Variants in GDAP1 observed in about 807,000 individuals in gnomAD.
GDAP1 encodes the protein ganglioside induced differentiation associated protein 1.
Under a neutral mutation model 40.1 loss-of-function variants are expected in GDAP1, and 34 were observed. The ratio of observed to expected loss-of-function variants is 0.85; its 90% confidence interval spans 0.64 to 1.13. The LOEUF (loss-of-function observed/expected upper bound fraction) is 1.13, where lower values mean the gene tolerates loss of function less well. Among genes scored for constraint, GDAP1 ranks in the 50% most tolerant of loss-of-function variants. The pLI, the probability that GDAP1 is intolerant of heterozygous loss-of-function variation, is 0.00. For missense variants in GDAP1, 374 were observed against 433.7 expected, an observed-to-expected ratio of 0.86 and a Z score of 1.22; for synonymous variants, 170 against 157.4, an observed-to-expected ratio of 1.08 and a Z score of -0.60.
chr8:74,388,516 C>T (rs1487422305), intron 2 of GDAP1, among the ~76,000 whole-genome samples: 1 of 152,092 alleles, frequency 6.6e-6, no homozygotes, highest in Non-Finnish European at 1.5e-5. Flanking sequence ...ATCCTGAGTT[C>T]CAGTTTGATT....
intron 2 of GDAP1, among the ~76,000 whole-genome samples, chr8:74,358,653 A>C (rs748147421): frequency 1.6e-4 from 25 of 152,344 alleles, no homozygotes; most frequent in Non-Finnish European, 2.5e-4. Flanking sequence ...AATAAGAGTG[A>C]AAAAGTAATT....
chr8:74,399,631 A>G (rs1810283230), intron 2 of GDAP1, among the ~76,000 whole-genome samples: 1 of 133,380 alleles, frequency 7.5e-6, no homozygotes, highest in Admixed American at 7.3e-5. Context: ...AGTTCTTTTA[A>G]TTGTGATGTT....
At chr8:74,386,088 A>T (rs1244687779) in intron 2 of GDAP1, among the ~76,000 whole-genome samples, 2 of 152,188 alleles carry the variant, frequency 1.3e-5, no homozygotes, top group Middle Eastern at 3.2e-3. Context: ...TCTGGATATT[A>T]TCCCTTTGTC....
chr8:74,354,434 A>G (rs1809011658), intron 2 of GDAP1, among the ~76,000 whole-genome samples: 1 of 152,224 alleles, frequency 6.6e-6, no homozygotes, highest in South Asian at 2.1e-4. Flanking sequence ...CTAACAAATC[A>G]ATGATTTGAA....
intron 2 of GDAP1, among the ~76,000 whole-genome samples, chr8:74,475,473 G>C (rs936922703): frequency 2.6e-5 from 4 of 151,934 alleles, no homozygotes; most frequent in Non-Finnish European, 5.9e-5. Context: ...AGAGATTTTG[G>C]TATATTGTAT....
At chr8:74,471,346 CT>C (rs1237678087) in intron 2 of GDAP1, among the ~76,000 whole-genome samples, 1 of 151,830 alleles carries the variant, frequency 6.6e-6, no homozygotes, top group Non-Finnish European at 1.5e-5. Flanking sequence ...TTCACTTCAT[CT>C]TTTTTCCCTG....
At position 74,366,156 on chromosome 8, in the gene GDAP1, A is replaced by G. The variant is rs1485491782; in HGVS notation, c.*1789A>G. On this transcript the variant is annotated 3_prime_UTR_variant, in exon 6 of 6. Coordinates refer to ENST00000220822, the MANE Select transcript of GDAP1 (RefSeq NM_018972.4). ...TTCCTGAATCATAGGGAATCTTTCT[A>G]GAATGTGTTTATAATTTCCTTGTAC... The G allele has an allele frequency of 7.7e-5, 35 of 453,042 alleles. No individual in the cohort carries two copies. The Admixed American group carries it at 8.3e-4, about 11-fold the overall frequency. 28.1% of individuals were successfully genotyped at this position (453,042 alleles called of 1,614,324 possible).
intron 2 of GDAP1, among the ~76,000 whole-genome samples, chr8:74,487,652 A>G (rs937520526): frequency 2.2e-4 from 34 of 152,298 alleles, no homozygotes; most frequent in Admixed American, 3.3e-4. Flanking sequence ...CTCTGGCAGG[A>G]CTGGAAAGTA....
intron 2 of GDAP1, among the ~76,000 whole-genome samples, chr8:74,469,617 C>T (rs1395107722): frequency 6.8e-6 from 1 of 147,724 alleles, no homozygotes; most frequent in African/African-American, 2.5e-5. Flanking sequence ...TGCAGTGAGC[C>T]GAGATCGCGC....
chr8:74,376,026 A>C lies in GDAP1; in HGVS notation c.165+24705A>C, dbSNP rs1011751262. On this transcript the variant is annotated intron_variant, in intron 2 of 2. Transcript: ENST00000523640. ...AATTCCTTTTGTAGTACACCAAAAA[A>C]GGTAAAACACTAAACACTTAGAATT... Among the ~76,000 whole-genome samples, 6 of 152,244 alleles carry C rather than the reference A, an allele frequency of 3.9e-5. No homozygotes were observed. In the South Asian group the frequency reaches 8.3e-4, roughly 21 times the overall value.
chr8:74,364,219 G>T lies in GDAP1; in HGVS notation c.929G>T (p.Arg310Leu). The T allele has an allele frequency of 6.2e-7, 1 of 1,614,110 alleles. No individual in the cohort carries two copies. The change falls in exon 6 of 6, where the codon CGG (arginine) becomes CTG (leucine). Residue 310 changes from arginine to leucine, a missense_variant. Arg to Leu is a moderately radical substitution (Grantham distance 102). Coordinates refer to ENST00000220822, the MANE Select transcript of GDAP1 (RefSeq NM_018972.4). The stretch of plus-strand genomic sequence containing the variant: ...TCTGCAGTGCTGCCAACAGCATTCC[G>T]GGTGGCCAAGAAAAGGGCCCCAAAA... Reference protein sequence around the residue: ...LISAVLPTAFRVAKKRAPKVL... With the variant: ...LISAVLPTAFLVAKKRAPKVL...
At chr8:74,446,391 A>G (rs762952462) in intron 2 of GDAP1, among the ~76,000 whole-genome samples, 72 of 152,268 alleles carry the variant, frequency 4.7e-4, no homozygotes, top group Non-Finnish European at 9.1e-4. Flanking sequence ...TAATGTAGGA[A>G]TGCTGACCTG....
chr8:74,372,721 G>C (rs1231913543), intron 2 of GDAP1, among the ~76,000 whole-genome samples: 2 of 152,176 alleles, frequency 1.3e-5, no homozygotes, highest in Admixed American at 6.5e-5. Flanking sequence ...TAGGTTGCCT[G>C]TTCACTCTGA....
intron 2 of GDAP1, among the ~76,000 whole-genome samples, chr8:74,427,266 G>T (rs1586831781): frequency 6.6e-6 from 1 of 152,132 alleles, no homozygotes; most frequent in South Asian, 2.1e-4. Context: ...TACATCTCAT[G>T]GTAGCCATAT....
chr8:74,481,961 C>A (rs1806716791), intron 2 of GDAP1, among the ~76,000 whole-genome samples: 1 of 151,892 alleles, frequency 6.6e-6, no homozygotes, highest in Non-Finnish European at 1.5e-5. Context: ...TGGTCTTTAG[C>A]AGGGGAGGAG....
intron 2 of GDAP1, among the ~76,000 whole-genome samples, chr8:74,414,237 A>G (rs761708601): frequency 6.7e-6 from 1 of 150,232 alleles, no homozygotes; most frequent in Non-Finnish European, 1.5e-5. Context: ...AATATTCAAA[A>G]TGTCTTCAAT....
chr8:74,382,385 T>TTTTC (rs1489439420), intron 2 of GDAP1, among the ~76,000 whole-genome samples: 1 of 151,610 alleles, frequency 6.6e-6, no homozygotes, highest in Admixed American at 6.6e-5. Flanking sequence ...GGTTTTTTTT[T>TTTTC]TTTTCTAGAT....
Position 74,364,617 on chromosome 8 carries a change from G to C in GDAP1, c.*250G>C. ...AGAGAAGGAAAAATGAGAGAATGAA[G>C]TCTGTATAGGGTAGAGCAATAGAAA... On this transcript the variant is annotated 3_prime_UTR_variant, in exon 6 of 6. Transcript: ENST00000220822. The C allele has an allele frequency of 1.6e-6, 1 of 612,538 alleles. No homozygotes were observed. Among genetic ancestry groups the C allele is most frequent in the Non-Finnish European group, 3.0e-6 (1 of 330,228 alleles). The allele number at this position is 612,538 out of a possible 1,614,324, so 37.9% of individuals were successfully genotyped here. A position where few individuals can be genotyped will look rare whatever the true frequency, so the allele number is the denominator to read the frequency against.
At chr8:74,400,068 G>A (rs1447475472) in intron 2 of GDAP1, among the ~76,000 whole-genome samples, 14 of 147,842 alleles carry the variant, frequency 9.5e-5, no homozygotes, top group East Asian at 7.7e-4. Context: ...TATTAGGTCC[G>A]CTTGGTGCAG....
Sources: allele counts gnomAD v4.1 joint callset (sites outside exome capture counted in the v4.1 genomes callset), GRCh38; gene constraint gnomAD v4.1.1; transcripts MANE v1.5; gene names NCBI Gene and HGNC (gene_info 2026-07-23, HGNC 2026-07-21).